Variants in TECPR2 observed in about 807,000 individuals in gnomAD.
TECPR2 encodes the protein tectonin beta-propeller repeat-containing protein 2.
A neutral mutation model predicts 138.1 loss-of-function variants in TECPR2; 65 were observed. The observed-to-expected ratio is 0.47, with a 90% CI of 0.39 to 0.58. TECPR2 has a LOEUF of 0.58. Among genes scored for constraint, TECPR2 ranks in the 20% least tolerant of loss-of-function variants. The pLI, the probability that TECPR2 is intolerant of heterozygous loss-of-function variation, is 0.00. For synonymous variants in TECPR2, 746 were observed against 749.8 expected, an observed-to-expected ratio of 0.99 and a Z score of 0.08; for missense variants, 1,553 against 1,824.5, an observed-to-expected ratio of 0.85 and a Z score of 2.71.
intron 7 of TECPR2, 60 bp downstream of exon 7, chr14:102,428,442 T>G: frequency 6.3e-7 from 1 of 1,591,816 alleles, no homozygotes; most frequent in Non-Finnish European, 8.5e-7. Flanking sequence ...CTCTGTTGTT[T>G]GTAATTGCAG....
intron 2 of TECPR2, among the ~76,000 whole-genome samples, chr14:102,382,821 C>T (rs957055739): frequency 6.6e-6 from 1 of 151,652 alleles, no homozygotes; most frequent in Non-Finnish European, 1.5e-5. Flanking sequence ...TGCAATGGTG[C>T]GATCTCGGCT....
intron 13 of TECPR2, among the ~76,000 whole-genome samples, chr14:102,446,461 T>C (rs1889982253): frequency 6.6e-6 from 1 of 151,892 alleles, no homozygotes; most frequent in South Asian, 2.1e-4. Context: ...TAGTTGGACA[T>C]GGTGGCACAC....
At chr14:102,488,349 AT>A (rs1891083828) in intron 17 of TECPR2, among the ~76,000 whole-genome samples, 1 of 104,454 alleles carries the variant, frequency 9.6e-6, no homozygotes, top group East Asian at 2.7e-4. Context: ...ATTTTTTTTT[AT>A]TTTTTTGATA....
chr14:102,414,891 T>C (rs1888982069), intron 5 of TECPR2, 98 bp downstream of exon 5: 4 of 1,474,802 alleles, frequency 2.7e-6, no homozygotes, highest in Non-Finnish European at 1.8e-6. Context: ...GGAGACCTCC[T>C]GTTTGCAAAC....
At chr14:102,497,778 CG>C in intron 19 of TECPR2, 59 bp downstream of exon 19, 1 of 1,506,610 alleles carries the variant, frequency 6.6e-7, no homozygotes, top group South Asian at 1.3e-5. Flanking sequence ...CTCCTGTGGA[CG>C]ATGTCGGGGG....
chr14:102,382,016 G>A lies in TECPR2; in HGVS notation c.219+5076G>A, dbSNP rs149194925. Among the ~76,000 whole-genome samples the A allele has an allele frequency of 1.6e-3, 240 of 152,186 alleles. 3 individuals are homozygous for A. The highest frequency in any genetic ancestry group is 5.2e-3 in the African/African-American group (217 of 41,528). The stretch of plus-strand genomic sequence containing the variant: ...GATTTTGAAAAATTACGTATAGGCC[G>A]GGCACGGTGGCTCACGCCTGTAATC... On this transcript the variant is annotated intron_variant, in intron 2 of 19. Coordinates refer to ENST00000359520, the MANE Select transcript of TECPR2 (RefSeq NM_014844.5).
intron 17 of TECPR2, among the ~76,000 whole-genome samples, chr14:102,484,392 T>A (rs894233100): frequency 7.2e-5 from 11 of 152,136 alleles, no homozygotes; most frequent in African/African-American, 2.4e-4. Flanking sequence ...CTAGTTCGCC[T>A]TTTACATGGC....
chr14:102,405,742 C>T (rs1036153899), intron 2 of TECPR2, among the ~76,000 whole-genome samples: 1 of 152,150 alleles, frequency 6.6e-6, no homozygotes, highest in Non-Finnish European at 1.5e-5. Flanking sequence ...TCATAGGAGC[C>T]TTATTCACAG....
At chr14:102,431,610 G>T (rs972354814) in intron 7 of TECPR2, among the ~76,000 whole-genome samples, 186 bp from the exon 8 acceptor site, 1 of 152,194 alleles carries the variant, frequency 6.6e-6, no homozygotes, top group Non-Finnish European at 1.5e-5. Context: ...CCAAAGTGCT[G>T]GGATTACAGG....
Position 102,408,508 on chromosome 14 carries a change from T to TTGTGGGATGTCCAGTG in TECPR2, c.369_370insTGTGGGATGTCCAGTG (p.Gly124CysfsTer11). On this transcript the variant is annotated frameshift_variant, in exon 4 of 20. Transcript: ENST00000359520. LOFTEE classifies it high-confidence loss of function. ...CATAGCTTCGGAGATTTGATGTCACTGGTATTCACAAAAATAGCATTACAG... is the reference window on the plus strand; with the variant it reads ...CATAGCTTCGGAGATTTGATGTCACTTGTGGGATGTCCAGTGGGTATTCACAAAAATAGCATTACAG... 6.2e-7 allele frequency: 1 copy of TTGTGGGATGTCCAGTG among 1,608,664 alleles called. No homozygotes were observed. The highest frequency in any genetic ancestry group is 1.1e-5 in the South Asian group (1 of 89,354).
At chr14:102,468,103 C>T (rs1182600311) in intron 17 of TECPR2, among the ~76,000 whole-genome samples, 4 of 152,046 alleles carry the variant, frequency 2.6e-5, no homozygotes, top group African/African-American at 9.7e-5. Flanking sequence ...ACCTCGGCCT[C>T]CCAAAGTGCT....
At position 102,425,174 on chromosome 14, in the gene TECPR2, C is replaced by T. The variant is rs2139716289; in HGVS notation, c.834C>T (p.Asn278=). The part of the protein sequence containing the change: ...FELHPRLESP[N]SGSCSLPERH... ...TGCACCCGCGTCTGGAATCCCCCAA[C>T]AGTGGAAGTTGCAGCTTACCTGAGA... Residue 278 remains asparagine, a synonymous_variant, in exon 6 of 20, where the codon AAC becomes AAT. Coordinates refer to ENST00000359520, the MANE Select transcript of TECPR2 (RefSeq NM_014844.5). 1 of 1,614,168 alleles carries T rather than the reference C, an allele frequency of 6.2e-7. No homozygotes were observed. The highest frequency in any genetic ancestry group is 8.5e-7 in the Non-Finnish European group (1 of 1,180,032).
chr14:102,436,318 C>CTT lies in TECPR2; in HGVS notation c.2394+1122_2394+1123dup, dbSNP rs558287413. On this transcript the variant is annotated intron_variant, in intron 9 of 19. Transcript: ENST00000359520. The stretch of plus-strand genomic sequence containing the variant: ...TCTGGCTTTTTTTTCTTCTTTCTTT[C>CTT]TTTTTTTTTTTTTTTTCTGAGACAG... 9.7e-3 allele frequency among the ~76,000 whole-genome samples: 1,309 copies of CTT among 135,498 alleles called. 24 individuals are homozygous for CTT. The highest frequency in any genetic ancestry group is 0.033 in the African/African-American group (1,234 of 36,854). 88.9% of individuals were successfully genotyped at this position (135,498 alleles called of 152,430 possible).
At chr14:102,445,715 C>T (rs1281032360) in intron 12 of TECPR2, 91 bp from the exon 13 acceptor site, 1 of 1,460,242 alleles carries the variant, frequency 6.8e-7, no homozygotes, top group Non-Finnish European at 9.2e-7. Flanking sequence ...CCCAGCCACG[C>T]CTGCCGGGAG....
At position 102,411,241 on chromosome 14, in the gene TECPR2, T is replaced by A. The variant is rs1888845306; in HGVS notation, c.480+2622T>A. 3.3e-5 allele frequency among the ~76,000 whole-genome samples: 5 copies of A among 152,268 alleles called. No homozygotes were observed. The South Asian group carries it at 1.0e-3, about 31-fold the overall frequency. Reference sequence around the variant, plus strand: ...CAAAAATTTTTGCCGCCCCAACATTTCAACACCATTTTGTTTTATTTTTCT... The same window carrying A: ...CAAAAATTTTTGCCGCCCCAACATTACAACACCATTTTGTTTTATTTTTCT... On this transcript the variant is annotated intron_variant, in intron 4 of 19. Transcript: ENST00000359520.
chr14:102,480,934 T>C lies in TECPR2; in HGVS notation c.3789+15645T>C, dbSNP rs558325614. On this transcript the variant is annotated intron_variant, in intron 17 of 19. Transcript: ENST00000359520. The stretch of plus-strand genomic sequence containing the variant: ...ATCTTGGCTCACTGCAACCTCCGCC[T>C]CTTGGGTTCAAGTGATTCTCCTGCC... Among the ~76,000 whole-genome samples, 6 of 130,272 alleles carry C rather than the reference T, an allele frequency of 4.6e-5. No homozygotes were observed. In the Admixed American group the frequency reaches 5.6e-4, roughly 12 times the overall value. The allele number at this position is 130,272 out of a possible 152,430, so 85.5% of individuals were successfully genotyped here.
In TECPR2 at chr14:102,443,722, G is replaced by A. The variant is rs767910094; in HGVS notation, c.2828G>A (p.Arg943Gln). 5.6e-6 allele frequency: 9 copies of A among 1,612,882 alleles called. No individual in the cohort carries two copies. In the East Asian group the frequency reaches 1.1e-4, roughly 20 times the overall value. ...TACCCGCTGTCCCAGATCACAGCCC[G>A]GAACAATGTGGTGTGGGCGCTGACA... Reference protein sequence around the residue: ...CPYPLSQITARNNVVWALTEQ... With the variant: ...CPYPLSQITAQNNVVWALTEQ... The change falls in exon 12 of 20, where the codon CGG becomes CAG. Residue 943 changes from arginine (R) to glutamine (Q), a missense_variant. Physicochemically the swap from Arg to Gln is conservative, Grantham distance 43 (BLOSUM62 1). Transcript: ENST00000359520. This position sits in a 1 kb window ranked among gnomAD's most constrained non-coding sequence, Gnocchi z 4.9.
chr14:102,453,357 G>A (rs1890195930), intron 16 of TECPR2, among the ~76,000 whole-genome samples: 1 of 151,850 alleles, frequency 6.6e-6, no homozygotes, highest in Admixed American at 6.6e-5. Flanking sequence ...GTGCACGCCT[G>A]TAGTCTCAGC....
At chr14:102,392,487 C>A (rs1479733175) in intron 2 of TECPR2, among the ~76,000 whole-genome samples, 1 of 152,094 alleles carries the variant, frequency 6.6e-6, no homozygotes. Context: ...ATTTTAAATT[C>A]TCTTGGATTT....
Sources: gnomAD v4.1 joint callset for allele counts (sites outside exome capture counted in the v4.1 genomes callset) on GRCh38, gnomAD v4.1.1 for gene constraint, Gnocchi (gnomAD v3.1) non-coding constraint, MANE v1.5 for transcripts, NCBI Gene and HGNC (gene_info 2026-07-23, HGNC 2026-07-21) for gene names.